Variants in PARD3 observed in about 807,000 individuals in gnomAD.
PARD3 encodes partitioning defective 3 homolog.
In PARD3, 75 loss-of-function variants were observed where a neutral mutation model predicts 155.4. That is an observed-to-expected ratio of 0.48 (90% CI 0.40 to 0.58). The LOEUF (loss-of-function observed/expected upper bound fraction) is 0.58. Among genes scored for constraint, PARD3 ranks in the 20% least tolerant of loss-of-function variants. PARD3 has a pLI of 0.00. For synonymous variants in PARD3, 576 were observed against 610.5 expected (o/e 0.94, Z 0.83); for missense variants, 1,642 against 1,721.7 (o/e 0.95, Z 0.82).
chr10:34,654,489 A>T (rs2093110436), intron 2 of PARD3, among the ~76,000 whole-genome samples: 1 of 152,232 alleles, frequency 6.6e-6, no homozygotes, highest in Non-Finnish European at 1.5e-5. Flanking sequence ...CTGCCTTTCT[A>T]TGGAAAAATA....
intron 2 of PARD3, among the ~76,000 whole-genome samples, chr10:34,690,204 A>G (rs2094029901): frequency 6.6e-6 from 1 of 152,158 alleles, no homozygotes. Context: ...TCAGCCTCCC[A>G]AAGGGCTGAG....
At chr10:34,807,242 G>A (rs923394349) in intron 1 of PARD3, among the ~76,000 whole-genome samples, 6 of 152,276 alleles carry the variant, frequency 3.9e-5, no homozygotes, top group South Asian at 2.1e-4. Flanking sequence ...CCTAAAGACA[G>A]CCAGTTTTCA....
chr10:34,736,133 GC>G (rs1189129480), intron 1 of PARD3, among the ~76,000 whole-genome samples: 1 of 151,822 alleles, frequency 6.6e-6, no homozygotes, highest in African/African-American at 2.4e-5. Flanking sequence ...CCGGGTTCAC[GC>G]CATTCTCATG....
intron 2 of PARD3, among the ~76,000 whole-genome samples, chr10:34,595,421 C>T (rs1359831170): frequency 1.3e-5 from 2 of 152,164 alleles, no homozygotes; most frequent in African/African-American, 4.8e-5. Flanking sequence ...AAAACTAGAA[C>T]TTAAGTCTAC....
intron 20 of PARD3, among the ~76,000 whole-genome samples, chr10:34,307,075 A>T (rs1957452819): frequency 6.6e-6 from 1 of 151,908 alleles, no homozygotes; most frequent in Non-Finnish European, 1.5e-5. Flanking sequence ...TATCTTTAGT[A>T]GAGACGGGGT....
intron 5 of PARD3, among the ~76,000 whole-genome samples, chr10:34,438,712 T>C (rs2076311668): frequency 6.6e-6 from 1 of 151,612 alleles, no homozygotes; most frequent in Non-Finnish European, 1.5e-5. Flanking sequence ...GACAGAAAGA[T>C]AAAAAATAAA....
chr10:34,798,581 T>C (rs1842533785), intron 1 of PARD3, among the ~76,000 whole-genome samples: 1 of 151,474 alleles, frequency 6.6e-6, no homozygotes, highest in South Asian at 2.1e-4. Flanking sequence ...GGTGGGTGCC[T>C]GTAACCCGAG....
chr10:34,805,571 C>T (rs1161906008), intron 1 of PARD3, among the ~76,000 whole-genome samples: 1 of 98,040 alleles, frequency 1.0e-5, no homozygotes, highest in Non-Finnish European at 2.7e-5. Context: ...ATATATACAC[C>T]GTACAGTTCG....
intron 2 of PARD3, among the ~76,000 whole-genome samples, chr10:34,643,035 A>T (rs909215257): frequency 6.6e-6 from 1 of 152,142 alleles, no homozygotes; most frequent in Non-Finnish European, 1.5e-5. Context: ...CCAGTGTTCT[A>T]TCCTGCCCTG....
At chr10:34,653,647 T>C (rs2083203408) in intron 2 of PARD3, among the ~76,000 whole-genome samples, 2 of 151,998 alleles carry the variant, frequency 1.3e-5, no homozygotes, top group African/African-American at 4.8e-5. Flanking sequence ...CTGCCAGGTG[T>C]GGTGGTGCAC....
chr10:34,728,008 G>A (rs373218931), intron 1 of PARD3, among the ~76,000 whole-genome samples: 5 of 152,062 alleles, frequency 3.3e-5, no homozygotes, highest in East Asian at 3.9e-4. Flanking sequence ...ATGTCAACCC[G>A]GAGACAATAC....
At chr10:34,145,239 TTTACAGG>T in intron 22 of PARD3, among the ~76,000 whole-genome samples, 1 of 127,600 alleles carries the variant, frequency 7.8e-6, no homozygotes, top group African/African-American at 2.9e-5. Context: ...TTTTTTTTTT[TTTACAGG>T]ATCTTCTCTT....
chr10:34,588,473 G>A (rs1364082080), intron 2 of PARD3, among the ~76,000 whole-genome samples: 13 of 152,196 alleles, frequency 8.5e-5, no homozygotes, highest in Non-Finnish European at 1.5e-4. Flanking sequence ...TACCTATCAC[G>A]TTTAATCACC....
At chr10:34,535,477 G>A (rs2083158756) in intron 2 of PARD3, among the ~76,000 whole-genome samples, 1 of 152,024 alleles carries the variant, frequency 6.6e-6, no homozygotes, top group Non-Finnish European at 1.5e-5. Context: ...ATTAAAGTAA[G>A]ATATGTTTTG....
intron 21 of PARD3, among the ~76,000 whole-genome samples, chr10:34,283,188 T>C (rs1956234128): frequency 6.6e-6 from 1 of 152,142 alleles, no homozygotes; most frequent in African/African-American, 2.4e-5. Context: ...AGCCTAGCTT[T>C]AGAATTATGG....
intron 20 of PARD3, among the ~76,000 whole-genome samples, chr10:34,301,305 C>T (rs2134021462): frequency 6.6e-6 from 1 of 152,304 alleles, no homozygotes; most frequent in Middle Eastern, 3.4e-3. Flanking sequence ...ACCAGGAGGA[C>T]TTTCTGACCT....
At position 34,684,878 on chromosome 10, in the gene PARD3, T is replaced by TACACACACAC. The variant is rs57035644; in HGVS notation, c.222+11430_222+11439dup. Among the ~76,000 whole-genome samples, 712 of 137,878 alleles carry TACACACACAC rather than the reference T, an allele frequency of 5.2e-3. 6 individuals are homozygous for TACACACACAC. The highest frequency in any genetic ancestry group is 7.3e-3 in the Middle Eastern group (2 of 274). 90.5% of individuals were successfully genotyped at this position (137,878 alleles called of 152,430 possible). A position where few individuals can be genotyped will look rare whatever the true frequency, so the allele number is the denominator to read the frequency against. ...ATACATGTATATATATACACACACA[T>TACACACACAC]ACACACACACACACACACACACACA... On this transcript the variant is annotated intron_variant, in intron 2 of 24. Transcript: ENST00000374788.
At chr10:34,589,514 G>A (rs990453806) in intron 2 of PARD3, among the ~76,000 whole-genome samples, 15 of 151,350 alleles carry the variant, frequency 9.9e-5, no homozygotes, top group Admixed American at 7.9e-4. Flanking sequence ...ACCATCTGCC[G>A]ACACTTTGAT....
intron 1 of PARD3, among the ~76,000 whole-genome samples, chr10:34,760,381 G>C (rs1465944028): frequency 6.6e-6 from 1 of 152,090 alleles, no homozygotes; most frequent in African/African-American, 2.4e-5. Flanking sequence ...ACCCAGGCTG[G>C]AGTGCAGTGG....
Sources: allele counts gnomAD v4.1 joint callset (sites outside exome capture counted in the v4.1 genomes callset), GRCh38; gene constraint gnomAD v4.1.1; transcripts MANE v1.5; gene names NCBI Gene and HGNC (gene_info 2026-07-23, HGNC 2026-07-21).